Variants in KCNH1 observed in about 807,000 individuals in gnomAD.
The protein encoded by KCNH1 is voltage-gated delayed rectifier potassium channel KCNH1.
In KCNH1, 27 loss-of-function variants were observed where a neutral mutation model predicts 69.2. That is an observed-to-expected ratio of 0.39 (90% CI 0.29 to 0.54). KCNH1 has a LOEUF of 0.54. KCNH1 is among the 20% of genes least tolerant of loss of function. The pLI is 0.68. For missense variants in KCNH1, 798 were observed against 1,261.6 expected (o/e 0.63, Z 5.57); for synonymous variants, 456 against 487.7 (o/e 0.93, Z 0.86).
At chr1:211,121,612 T>C (rs552840728) in intron 1 of KCNH1, among the ~76,000 whole-genome samples, 2 of 152,292 alleles carry the variant, frequency 1.3e-5, no homozygotes, top group African/African-American at 4.8e-5. Context: ...ATTCAGGACA[T>C]GGGCATGGGC....
chr1:211,096,881 C>T (rs1289642995), intron 3 of KCNH1, among the ~76,000 whole-genome samples: 3 of 152,170 alleles, frequency 2.0e-5, no homozygotes, highest in Admixed American at 6.5e-5. Flanking sequence ...GAGTCACTGG[C>T]ACAGGCCTCA....
chr1:210,985,496 T>C (rs570287582), intron 6 of KCNH1, among the ~76,000 whole-genome samples: 6 of 152,326 alleles, frequency 3.9e-5, no homozygotes, highest in Non-Finnish European at 7.4e-5. Context: ...TTGTTCTCGC[T>C]GGTTTCAAAG....
At chr1:210,777,219 A>G (rs1683879124) in intron 9 of KCNH1, among the ~76,000 whole-genome samples, 2 of 152,206 alleles carry the variant, frequency 1.3e-5, no homozygotes, top group Non-Finnish European at 2.9e-5. Context: ...TACCTCAAAC[A>G]TCAAAAAGTA....
intron 7 of KCNH1, among the ~76,000 whole-genome samples, chr1:210,917,227 GAGAGAAAGAAAGAAAGAA>G (rs1334420835): frequency 9.1e-5 from 7 of 77,130 alleles, no homozygotes; most frequent in African/African-American, 2.6e-4. Flanking sequence ...GAGAGAGAGA[GAGAGAAAGAAAGAAAGAA>G]AGAAAGAAAG....
intron 8 of KCNH1, among the ~76,000 whole-genome samples, chr1:210,799,745 T>C (rs1684394634): frequency 6.6e-6 from 1 of 152,210 alleles, no homozygotes; most frequent in Non-Finnish European, 1.5e-5. Flanking sequence ...CACCTCTGCT[T>C]CTCTGCCTTA....
intron 6 of KCNH1, among the ~76,000 whole-genome samples, chr1:210,960,455 C>A (rs774717313): frequency 5.9e-5 from 9 of 152,200 alleles, no homozygotes; most frequent in Non-Finnish European, 8.8e-5. Context: ...CAGGCAACCA[C>A]AATGTGCTTT....
chr1:210,902,989 T>C (rs1343148), intron 7 of KCNH1, among the ~76,000 whole-genome samples: 151,437 of 152,334 alleles, frequency 0.99, 75,275 homozygotes, highest in East Asian at 1. Context: ...GTAGCCCCTA[T>C]TTTCTGCTTT....
intron 10 of KCNH1, among the ~76,000 whole-genome samples, chr1:210,760,774 C>A (rs1683500416): frequency 6.6e-6 from 1 of 152,164 alleles, no homozygotes; most frequent in African/African-American, 2.4e-5. Flanking sequence ...ATAAAACCAT[C>A]AGATCTCATG....
chr1:210,749,742 CTT>C (rs34174582), intron 10 of KCNH1, among the ~76,000 whole-genome samples: 12 of 130,544 alleles, frequency 9.2e-5, no homozygotes, highest in Admixed American at 8.1e-5. Flanking sequence ...AGGCTGCTCA[CTT>C]TTTTTTTTTT....
chr1:210,939,154 A>T (rs1387857783), intron 6 of KCNH1, among the ~76,000 whole-genome samples: 1 of 152,150 alleles, frequency 6.6e-6, no homozygotes, highest in African/African-American at 2.4e-5. Flanking sequence ...CTGCACACCT[A>T]ATACAAGCCA....
In KCNH1 at chr1:210,919,695, G is replaced by A. The variant is rs773144115; in HGVS notation, c.1407C>T (p.Ile469=). The change falls in exon 7 of 11, where the codon ATC becomes ATT. Residue 469 remains isoleucine (I), a synonymous_variant. Transcript: ENST00000271751. This position sits in a 1 kb window ranked among gnomAD's most constrained non-coding sequence, Gnocchi z 4.2. ...TSLTSVGFGN[I]APSTDIEKIF... ...TCTTCTCAATGTCTGTGGATGGGGC[G>A]ATGTTCCCAAAGCCCACACTGGTGA... The A allele has an allele frequency of 1.7e-5, 28 of 1,613,980 alleles. No homozygotes were observed. Among genetic ancestry groups the A allele is most frequent in the African/African-American group, 6.7e-5 (5 of 74,904 alleles).
chr1:210,987,742 G>C (rs1390692288), intron 6 of KCNH1, among the ~76,000 whole-genome samples: 1 of 152,228 alleles, frequency 6.6e-6, no homozygotes, highest in Admixed American at 6.5e-5. Context: ...TGACCCGCTT[G>C]AGGAGGCAGT....
intron 7 of KCNH1, among the ~76,000 whole-genome samples, chr1:210,907,740 G>A (rs186659802): frequency 1.1e-4 from 16 of 152,282 alleles, no homozygotes; most frequent in East Asian, 7.7e-4. Context: ...ATCCCAGTGG[G>A]GGTGGGGGTT....
chr1:210,864,268 A>G (rs533593515), intron 7 of KCNH1, among the ~76,000 whole-genome samples: 1 of 152,264 alleles, frequency 6.6e-6, no homozygotes, highest in Admixed American at 6.5e-5. Flanking sequence ...TCAGCATGGT[A>G]GCAATGCCAC....
chr1:210,870,738 C>T (rs1245191085), intron 7 of KCNH1, among the ~76,000 whole-genome samples: 2 of 152,174 alleles, frequency 1.3e-5, no homozygotes, highest in African/African-American at 4.8e-5. Context: ...CAGAGTGACT[C>T]TTTCTAATAT....
At chr1:210,922,400 A>C (rs1326126497) in intron 6 of KCNH1, among the ~76,000 whole-genome samples, 1 of 27,262 alleles carries the variant, frequency 3.7e-5, no homozygotes, top group Non-Finnish European at 7.9e-5. Flanking sequence ...AAAAAAAAAA[A>C]AAAAAAAAAA....
chr1:210,699,176 A>C (rs994821866), intron 10 of KCNH1, among the ~76,000 whole-genome samples: 2 of 152,248 alleles, frequency 1.3e-5, no homozygotes, highest in Non-Finnish European at 2.9e-5. Flanking sequence ...TAAATGAGAC[A>C]TAATGTACAT....
chr1:210,948,261 G>A (rs1687996187), intron 6 of KCNH1, among the ~76,000 whole-genome samples: 1 of 150,998 alleles, frequency 6.6e-6, no homozygotes, highest in African/African-American at 2.4e-5. Context: ...AAGCAGTACA[G>A]AAATACATGC....
intron 1 of KCNH1, 33 bp from the exon 2 acceptor site, chr1:211,107,410 A>G (rs201947140): frequency 4.4e-6 from 7 of 1,593,342 alleles, no homozygotes; most frequent in Non-Finnish European, 6.0e-6. Flanking sequence ...AAAAAAGGGC[A>G]CATGAGGCAA....
Sources: allele counts gnomAD v4.1 joint callset (sites outside exome capture counted in the v4.1 genomes callset), GRCh38; gene constraint gnomAD v4.1.1; non-coding constraint Gnocchi (gnomAD v3.1); transcripts MANE v1.5; gene names NCBI Gene and HGNC (gene_info 2026-07-23, HGNC 2026-07-21).